Variants in CARMIL1 observed in about 807,000 individuals in gnomAD.
CARMIL1 encodes capping protein regulator and myosin 1 linker 1, also known as F-actin-uncapping protein LRRC16A.
Under a neutral mutation model 177.1 loss-of-function variants are expected in CARMIL1, and 90 were observed. That is an observed-to-expected ratio of 0.51 (90% CI 0.43 to 0.61). The LOEUF (loss-of-function observed/expected upper bound fraction) is 0.61, where lower values mean the gene tolerates loss of function less well. Among genes scored for constraint, CARMIL1 ranks in the 20% least tolerant of loss-of-function variants. The pLI, the probability that CARMIL1 is intolerant of heterozygous loss-of-function variation, is 0.00. For missense variants in CARMIL1, 1,380 were observed against 1,667.0 expected (o/e 0.83, Z 3.00); for synonymous variants, 577 against 606.2 (o/e 0.95, Z 0.71).
Position 25,412,591 on chromosome 6 carries a change from G to A in CARMIL1, c.139-7523G>A, listed in dbSNP as rs557097997. Among the ~76,000 whole-genome samples the A allele has an allele frequency of 9.9e-4, 151 of 152,248 alleles. 1 individual carries two copies. The highest frequency in any genetic ancestry group is 3.2e-3 in the African/African-American group (133 of 41,540). On this transcript the variant is annotated intron_variant, in intron 2 of 36. Coordinates refer to ENST00000329474, the MANE Select transcript of CARMIL1 (RefSeq NM_017640.6). ...ACCCTATATCTTAAAGAGAAAAGGA[G>A]GAAATTGAGGCACAGGAAAGGTTTA...
chr6:25,453,112 A>G (rs1246247370), intron 8 of CARMIL1, among the ~76,000 whole-genome samples: 1 of 152,194 alleles, frequency 6.6e-6, no homozygotes, highest in Admixed American at 6.5e-5. Flanking sequence ...AAAAGAAAAA[A>G]GAAAGACATT....
At chr6:25,372,970 C>T (rs983955721) in intron 2 of CARMIL1, among the ~76,000 whole-genome samples, 10 of 152,196 alleles carry the variant, frequency 6.6e-5, no homozygotes, top group Non-Finnish European at 1.0e-4. Context: ...TGGATTTTAT[C>T]GAATGCTTTT....
rs370610497 is a variant in CARMIL1, at chr6:25,463,803, T to C, written c.615-2070T>C. 3.4e-5 allele frequency among the ~76,000 whole-genome samples: 5 copies of C among 148,368 alleles called. No individual in the cohort carries two copies. The East Asian group carries it at 8.0e-4, about 24-fold the overall frequency. ...AGAGGGAAGACCATAAAATAACTAT[T>C]GAAAGAGTTGTTCTCCTTTTTTTTT... On this transcript the variant is annotated intron_variant, in intron 8 of 36. Transcript: ENST00000329474.
At chr6:25,526,094 G>C (rs890181292) in intron 23 of CARMIL1, among the ~76,000 whole-genome samples, 9 of 151,778 alleles carry the variant, frequency 5.9e-5, no homozygotes, top group South Asian at 2.1e-4. Context: ...CGGATCACAA[G>C]GTCAGGAGAT....
In CARMIL1 at chr6:25,554,204, A is replaced by C. The variant is rs1810405561; in HGVS notation, c.2592+108A>C. 1 of 790,964 alleles carries C rather than the reference A, an allele frequency of 1.3e-6. No individual in the cohort carries two copies. Among genetic ancestry groups the C allele is most frequent in the Admixed American group, 2.1e-5 (1 of 48,332 alleles). 49.0% of individuals were successfully genotyped at this position (790,964 alleles called of 1,614,324 possible). ...TTTCTTTTCTGTATTTCACACTATT[A>C]CAGCTTTATGGTTTGTGATCTTGGT... On this transcript the variant is annotated intron_variant, in intron 28 of 36. Coordinates refer to ENST00000329474, the MANE Select transcript of CARMIL1 (RefSeq NM_017640.6). The surrounding 1 kb of genome is among the most constrained non-coding windows in gnomAD (Gnocchi z 4.6).
At chr6:25,464,920 A>T (rs1219772455) in intron 8 of CARMIL1, among the ~76,000 whole-genome samples, 1 of 152,010 alleles carries the variant, frequency 6.6e-6, no homozygotes, top group Non-Finnish European at 1.5e-5. Context: ...TGAGCATGGG[A>T]TGAGTTGTGG....
intron 20 of CARMIL1, among the ~76,000 whole-genome samples, chr6:25,511,778 C>T (rs1302129162): frequency 5.9e-5 from 9 of 152,136 alleles, no homozygotes; most frequent in Non-Finnish European, 1.2e-4. Context: ...ACTTCTTTGA[C>T]AGGGCTCTGA....
chr6:25,500,028 G>A (rs1163104128), intron 16 of CARMIL1, 138 bp from the exon 17 acceptor site: 3 of 682,232 alleles, frequency 4.4e-6, no homozygotes, highest in Non-Finnish European at 7.6e-6. Context: ...ATTTTAAAAA[G>A]TAAGAGGGTG....
At chr6:25,578,160 A>C (rs1454943912) in intron 29 of CARMIL1, among the ~76,000 whole-genome samples, 1 of 152,094 alleles carries the variant, frequency 6.6e-6, no homozygotes, top group Non-Finnish European at 1.5e-5. Context: ...TCTGATGGAC[A>C]CTTTGTGATT....
chr6:25,511,718 G>C (rs747715756), intron 20 of CARMIL1, among the ~76,000 whole-genome samples: 3 of 152,154 alleles, frequency 2.0e-5, no homozygotes, highest in Non-Finnish European at 4.4e-5. Context: ...TGAAAGCTAA[G>C]AGGCCAGGAA....
chr6:25,369,948 T>G (rs1350646542), intron 2 of CARMIL1: 5 of 152,338 alleles, frequency 3.3e-5, no homozygotes, highest in Non-Finnish European at 5.9e-5. Context: ...TTGCTTACCT[T>G]GGCTGATTCC....
At chr6:25,357,522 T>C (rs1788754343) in intron 2 of CARMIL1, among the ~76,000 whole-genome samples, 1 of 152,218 alleles carries the variant, frequency 6.6e-6, no homozygotes, top group Non-Finnish European at 1.5e-5. Flanking sequence ...AAGCAGAGGT[T>C]GCAGTGAACC....
intron 2 of CARMIL1, chr6:25,393,690 A>G (rs1028074335): frequency 1.3e-5 from 2 of 151,096 alleles, no homozygotes; most frequent in Admixed American, 1.3e-4. Flanking sequence ...TTTTGGCAAC[A>G]TAACAAGACC....
At chr6:25,517,003 G>C (rs1806066977) in intron 21 of CARMIL1, among the ~76,000 whole-genome samples, 1 of 152,102 alleles carries the variant, frequency 6.6e-6, no homozygotes, top group Non-Finnish European at 1.5e-5. Context: ...TTCCACCTCA[G>C]ACATAAATAT....
At chr6:25,449,850 G>T in intron 5 of CARMIL1, 48 bp from the exon 6 acceptor site, 5 of 1,148,456 alleles carry the variant, frequency 4.4e-6, no homozygotes, top group Non-Finnish European at 5.0e-6. Flanking sequence ...TCTATGTGCA[G>T]TCAAAAAGTG....
chr6:25,426,481 T>G lies in CARMIL1; in HGVS notation c.190-20T>G, dbSNP rs760981290. ...CCCTCATTGCAGGTCTTTTCTTTCC[T>G]CCTTTCCCCTCAATTGCAGCTCGAG... On this transcript the variant is annotated intron_variant, in intron 3 of 36. Coordinates refer to ENST00000329474, the MANE Select transcript of CARMIL1 (RefSeq NM_017640.6). 2 of 1,603,372 alleles carry G rather than the reference T, an allele frequency of 1.2e-6. No individual in the cohort carries two copies. Among genetic ancestry groups the G allele is most frequent in the South Asian group, 1.1e-5 (1 of 90,366 alleles).
chr6:25,406,119 G>A (rs551093649), intron 2 of CARMIL1, among the ~76,000 whole-genome samples: 43 of 152,316 alleles, frequency 2.8e-4, no homozygotes, highest in Non-Finnish European at 4.0e-4. Flanking sequence ...TATTAAATAT[G>A]TAATCCCACT....
chr6:25,452,656 A>G (rs1799096686), intron 8 of CARMIL1: 1 of 153,376 alleles, frequency 6.5e-6, no homozygotes, highest in South Asian at 2.0e-4. Flanking sequence ...ATAAATCAGC[A>G]AGAAGAGTGG....
At chr6:25,337,523 T>C (rs951263912) in intron 2 of CARMIL1, among the ~76,000 whole-genome samples, 30 of 152,228 alleles carry the variant, frequency 2.0e-4, no homozygotes, top group Non-Finnish European at 2.9e-5. Flanking sequence ...TGTCACACAA[T>C]GGTGTAACCA....
Sources: gnomAD v4.1 joint callset for allele counts (sites outside exome capture counted in the v4.1 genomes callset) on GRCh38, gnomAD v4.1.1 for gene constraint, Gnocchi (gnomAD v3.1) non-coding constraint, MANE v1.5 for transcripts, NCBI Gene and HGNC (gene_info 2026-07-23, HGNC 2026-07-21) for gene names.